ME3: variants seen among roughly 807,000 people sequenced by gnomAD.
ME3 encodes malic enzyme 3.
In ME3, 48 loss-of-function variants were observed where a neutral mutation model predicts 68.9. The ratio of observed to expected loss-of-function variants is 0.70; its 90% confidence interval spans 0.55 to 0.89. The LOEUF is 0.89. Ranked by LOEUF, ME3 falls within the 40% of genes least tolerant of loss-of-function variation. ME3 has a pLI of 0.00. For synonymous variants in ME3, 320 were observed against 318.8 expected (o/e 1.00, Z -0.04); for missense variants, 675 against 797.4 (o/e 0.85, Z 1.85).
chr11:86,477,299 C>A (rs190698063), intron 7 of ME3, among the ~76,000 whole-genome samples: 5 of 152,248 alleles, frequency 3.3e-5, no homozygotes, highest in African/African-American at 9.6e-5. Flanking sequence ...TCAGGCTCCC[C>A]TTTCTTAGAT....
intron 11 of ME3, 74 bp from the exon 12 acceptor site, chr11:86,447,281 G>A: frequency 6.4e-7 from 1 of 1,554,566 alleles, no homozygotes; most frequent in Non-Finnish European, 8.7e-7. Flanking sequence ...TGGTGGTGGT[G>A]GGGGAACTAG....
intron 4 of ME3, among the ~76,000 whole-genome samples, chr11:86,530,495 CTACTT>C (rs1023798289): frequency 3.9e-4 from 60 of 152,328 alleles, no homozygotes; most frequent in African/African-American, 1.3e-3. Flanking sequence ...TTGGAAAAAA[CTACTT>C]TAAAGTTCAT....
At chr11:86,604,636 A>G (rs913434424) in intron 2 of ME3, among the ~76,000 whole-genome samples, 1 of 152,186 alleles carries the variant, frequency 6.6e-6, no homozygotes, top group African/African-American at 2.4e-5. Context: ...TTATATCTAT[A>G]ACTCAATTTA....
intron 4 of ME3, among the ~76,000 whole-genome samples, chr11:86,529,738 C>A (rs1445230727): frequency 2.0e-5 from 3 of 152,140 alleles, no homozygotes; most frequent in Non-Finnish European, 4.4e-5. Flanking sequence ...AGCATATAAA[C>A]AGAACCAAAG....
At chr11:86,487,413 C>A (rs1361235583) in exon 7 of ME3, 2 of 1,613,920 alleles carry the variant, frequency 1.2e-6, no homozygotes, top group African/African-American at 2.7e-5. Context: ...TGTTTCAGGC[C>A]GATGTACAGA....
intron 4 of ME3, among the ~76,000 whole-genome samples, chr11:86,515,395 T>G (rs1337369928): frequency 2.6e-5 from 4 of 152,064 alleles, no homozygotes; most frequent in Non-Finnish European, 5.9e-5. Flanking sequence ...TCTGTGAAGG[T>G]GGAGGTGAGA....
chr11:86,534,081 G>GTGTGTATATATATATATATA (rs1361825219), intron 4 of ME3, among the ~76,000 whole-genome samples: 2 of 127,508 alleles, frequency 1.6e-5, no homozygotes, highest in African/African-American at 6.4e-5. Context: ...GTGTGTGTGT[G>GTGTGTATATATATATATATA]TATATATATA....
chr11:86,583,606 C>T (rs768681032), intron 2 of ME3, among the ~76,000 whole-genome samples: 1 of 152,066 alleles, frequency 6.6e-6, no homozygotes, highest in African/African-American at 2.4e-5. Context: ...GCAGTGGATG[C>T]TGTTAAAGGA....
intron 2 of ME3, among the ~76,000 whole-genome samples, chr11:86,570,081 G>T (rs1369835178): frequency 6.6e-6 from 1 of 152,162 alleles, no homozygotes; most frequent in Non-Finnish European, 1.5e-5. Context: ...CTGAGTTCAT[G>T]CACCTGGCCC....
intron 2 of ME3, among the ~76,000 whole-genome samples, chr11:86,576,988 T>C (rs896299841): frequency 2.6e-5 from 4 of 152,206 alleles, no homozygotes; most frequent in African/African-American, 9.7e-5. Flanking sequence ...TTCTGCCATC[T>C]TTCCTTTCAA....
chr11:86,651,608 A>G lies in ME3; in HGVS notation c.183+20154T>C, dbSNP rs180727328. Among the ~76,000 whole-genome samples, 444 of 152,352 alleles carry G rather than the reference A, an allele frequency of 2.9e-3. 2 individuals are homozygous for G. Among genetic ancestry groups the G allele is most frequent in the Middle Eastern group, 0.01 (3 of 294 alleles). ...ACTCCATCTGTACATCACCATCATCAAAGACGAAAAAGTAGATAAAACCAC... is the reference window on the plus strand; with the variant it reads ...ACTCCATCTGTACATCACCATCATCGAAGACGAAAAAGTAGATAAAACCAC... On this transcript the variant is annotated intron_variant, in intron 2 of 14. Transcript: ENST00000543262.
intron 5 of ME3, among the ~76,000 whole-genome samples, chr11:86,504,848 G>A (rs970094225): frequency 2.7e-4 from 41 of 150,662 alleles, no homozygotes; most frequent in African/African-American, 8.3e-4. Flanking sequence ...CTGCCACCAC[G>A]CCAAGCTCAT....
At chr11:86,485,327 G>A (rs1951624181) in intron 7 of ME3, among the ~76,000 whole-genome samples, 1 of 152,150 alleles carries the variant, frequency 6.6e-6, no homozygotes, top group Non-Finnish European at 1.5e-5. Context: ...GCACTCCAAA[G>A]GCACTTTAGG....
Position 86,579,905 on chromosome 11 carries a change from T to C in ME3, c.184-20082A>G, listed in dbSNP as rs1958339374. Among the ~76,000 whole-genome samples the C allele has an allele frequency of 3.3e-5, 5 of 152,174 alleles. 1 individual carries two copies. Among genetic ancestry groups the C allele is most frequent in the African/African-American group, 7.2e-5 (3 of 41,436 alleles). The stretch of plus-strand genomic sequence containing the variant: ...GCATTCCCATTTTTTATTAGACTTA[T>C]ATTAAAAGAAAGTGAAAAGAAAATA... On this transcript the variant is annotated intron_variant, in intron 2 of 14. Transcript: ENST00000543262.
chr11:86,447,059 G>T lies in ME3; in HGVS notation c.1380+6C>A, dbSNP rs376347998. The T allele has an allele frequency of 3.1e-6, 5 of 1,613,392 alleles. No individual in the cohort carries two copies. Among genetic ancestry groups the T allele is most frequent in the Admixed American group, 1.7e-5 (1 of 59,954 alleles). ...CAGCCGGGGGAAGGAAGGACTCCCC[G>T]CTGACCTCGGTGACCCGGTAGCACT... On this transcript the variant is annotated splice_donor_region_variant and intron_variant, in intron 12 of 14. Transcript: ENST00000543262.
At chr11:86,508,034 C>T (rs997168415) in intron 5 of ME3, among the ~76,000 whole-genome samples, 4 of 151,692 alleles carry the variant, frequency 2.6e-5, no homozygotes, top group South Asian at 4.1e-4. Flanking sequence ...GTTTGGTATA[C>T]AGAAATGTTT....
intron 5 of ME3, among the ~76,000 whole-genome samples, chr11:86,503,539 C>T (rs1452203819): frequency 6.6e-6 from 1 of 152,228 alleles, no homozygotes; most frequent in Non-Finnish European, 1.5e-5. Flanking sequence ...GGCAGCCCAA[C>T]CTCTCCTTCT....
chr11:86,514,832 CT>C (rs1953781464), intron 4 of ME3, among the ~76,000 whole-genome samples: 1 of 152,082 alleles, frequency 6.6e-6, no homozygotes, highest in African/African-American at 2.4e-5. Flanking sequence ...CAAATGGTAG[CT>C]GTTAGTGTTG....
At chr11:86,435,150 A>G in the ME3 span, 1 of 152,196 alleles carries the variant, frequency 6.6e-6, no homozygotes, top group Non-Finnish European at 1.5e-5. Flanking sequence ...ATTTCAGCAA[A>G]TTTTAAGCTA....
Sources: allele counts gnomAD v4.1 joint callset (sites outside exome capture counted in the v4.1 genomes callset), GRCh38; gene constraint gnomAD v4.1.1; transcripts MANE v1.5; gene names NCBI Gene and HGNC (gene_info 2026-07-23, HGNC 2026-07-21).